Variants in BLM observed in about 807,000 individuals in gnomAD.
The protein encoded by BLM is recQ-like DNA helicase BLM.
Under a neutral mutation model 135.3 loss-of-function variants are expected in BLM, and 95 were observed. The observed-to-expected ratio is 0.70, with a 90% CI of 0.59 to 0.83. BLM has a LOEUF of 0.83. BLM is among the 40% of genes least tolerant of loss of function. The probability of loss-of-function intolerance (pLI) is 0.00; values close to 1 mark genes in which losing one functional copy is unlikely to be tolerated. For missense variants in BLM, 1,518 were observed against 1,663.9 expected (o/e 0.91, Z 1.53); for synonymous variants, 520 against 589.2 (o/e 0.88, Z 1.70).
intron 17 of BLM, among the ~76,000 whole-genome samples, chr15:90,801,487 G>A (rs1897165197): frequency 6.6e-6 from 1 of 152,152 alleles, no homozygotes; most frequent in Admixed American, 6.5e-5. Flanking sequence ...TTGAAAGTTA[G>A]AAACATAATT....
chr15:90,765,462 T>G, intron 9 of BLM, 48 bp downstream of exon 9: 1 of 1,390,290 alleles, frequency 7.2e-7, no homozygotes, highest in Non-Finnish European at 1.0e-6. Context: ...AACAATTAAA[T>G]TTCAGTCCTC....
intron 12 of BLM, among the ~76,000 whole-genome samples, chr15:90,771,869 G>A (rs887576510): frequency 6.6e-6 from 1 of 152,136 alleles, no homozygotes; most frequent in African/African-American, 2.4e-5. Flanking sequence ...AGTAAACAGT[G>A]TACATATTTA....
chr15:90,735,524 C>T (rs561301717), intron 1 of BLM, among the ~76,000 whole-genome samples: 2 of 151,858 alleles, frequency 1.3e-5, no homozygotes, highest in South Asian at 4.2e-4. Flanking sequence ...TAATTAGTCT[C>T]CTAAACACAT....
At chr15:90,789,822 T>C (rs1315260181) in intron 14 of BLM, among the ~76,000 whole-genome samples, 1 of 152,058 alleles carries the variant, frequency 6.6e-6, no homozygotes, top group Non-Finnish European at 1.5e-5. Context: ...ATTTGTGAAG[T>C]GTAATTTTGC....
chr15:90,811,814 C>T (rs1370656216), intron 21 of BLM, among the ~76,000 whole-genome samples: 1 of 152,124 alleles, frequency 6.6e-6, no homozygotes, highest in East Asian at 1.9e-4. Flanking sequence ...TATACCATCA[C>T]TCCTGGCTAA....
chr15:90,739,612 G>A lies in BLM; in HGVS notation c.-4-7777G>A, dbSNP rs573659453. ...GAGTGAAATAAGCCAGTCCCGAAAAGGCAAATACTGTATGATTCCACTTAC... is the reference window on the plus strand; with the variant it reads ...GAGTGAAATAAGCCAGTCCCGAAAAAGCAAATACTGTATGATTCCACTTAC... On this transcript the variant is annotated intron_variant, in intron 1 of 21. Transcript: ENST00000355112. 9.6e-4 allele frequency among the ~76,000 whole-genome samples: 146 copies of A among 152,262 alleles called. 3 individuals carry two copies. The South Asian group carries it at 0.016, about 17-fold the overall frequency.
rs1895032403 is a variant in BLM at position 90,730,284 on chromosome 15, C to T, written c.-5+12844C>T. ...TTTATTTATTGTTCATGATCTACTGCTCTGGCTTGGACTTCCAGTATATAT... is the reference window on the plus strand; with the variant it reads ...TTTATTTATTGTTCATGATCTACTGTTCTGGCTTGGACTTCCAGTATATAT... On this transcript the variant is annotated intron_variant, in intron 1 of 21. Transcript: ENST00000355112. Among the ~76,000 whole-genome samples the T allele has an allele frequency of 1.3e-5, 2 of 152,142 alleles. 1 individual carries two copies. The highest frequency in any genetic ancestry group is 1.3e-4 in the Admixed American group (2 of 15,260).
chr15:90,772,261 C>T lies in BLM; in HGVS notation c.2555+2675C>T, dbSNP rs1039084673. ...TTGAAGCCACAGCCCCTGTGCTGCTCTCCTCCCGCCAGTCTGTAATAATAT... is the reference window on the plus strand; with the variant it reads ...TTGAAGCCACAGCCCCTGTGCTGCTTTCCTCCCGCCAGTCTGTAATAATAT... On this transcript the variant is annotated intron_variant, in intron 12 of 21. Coordinates refer to ENST00000355112, the MANE Select transcript of BLM (RefSeq NM_000057.4). 2.6e-5 allele frequency among the ~76,000 whole-genome samples: 4 copies of T among 152,146 alleles called. 1 individual carries two copies. The highest frequency in any genetic ancestry group is 2.0e-4 in the Admixed American group (3 of 15,270).
intron 9 of BLM, among the ~76,000 whole-genome samples, chr15:90,766,663 A>G (rs1448177095): frequency 6.6e-6 from 1 of 152,150 alleles, no homozygotes; most frequent in Non-Finnish European, 1.5e-5. Flanking sequence ...CCTGACCCCA[A>G]GTGATCCACC....
Position 90,760,317 on chromosome 15 carries a change from A to ATATT in BLM, c.1220+40_1220+43dup, listed in dbSNP as rs766310324. The ATATT allele has an allele frequency of 3.7e-6, 6 of 1,612,570 alleles. No individual in the cohort carries two copies. In the African/African-American group the frequency reaches 8.0e-5, roughly 22 times the overall value. ...TCCCCCTTCTGGAATATATCTGATT[A>ATATT]TATTTCTACCACTCTAAGTGAAAAA... On this transcript the variant is annotated intron_variant, in intron 6 of 21. Coordinates refer to ENST00000355112, the MANE Select transcript of BLM (RefSeq NM_000057.4).
chr15:90,735,092 A>G (rs1895174670), intron 1 of BLM, among the ~76,000 whole-genome samples: 1 of 151,656 alleles, frequency 6.6e-6, no homozygotes, highest in African/African-American at 2.4e-5. Context: ...CAACAAGAAA[A>G]AGAGAAAATA....
intron 12 of BLM, among the ~76,000 whole-genome samples, chr15:90,771,268 C>T (rs1319437879): frequency 6.6e-6 from 1 of 152,180 alleles, no homozygotes; most frequent in Admixed American, 6.5e-5. Context: ...AGGTGGATCG[C>T]CTAAGGTCAG....
chr15:90,725,883 A>G (rs1228853112), intron 1 of BLM, among the ~76,000 whole-genome samples: 1 of 152,014 alleles, frequency 6.6e-6, no homozygotes, highest in South Asian at 2.1e-4. Context: ...ATTTATATAT[A>G]GTTATCTACA....
rs559584421 is a variant in BLM at position 90,763,182 on chromosome 15, G to T, written c.2074+25G>T. 6.7e-5 allele frequency: 108 copies of T among 1,609,594 alleles called. No individual in the cohort carries two copies. In the South Asian group the frequency reaches 1.1e-3, roughly 16 times the overall value. On this transcript the variant is annotated intron_variant, in intron 8 of 21. Transcript: ENST00000355112. ...GGTATGTATTTTTAGAAGTGAATTG[G>T]CAGGAATCCATTGGCAGATGTTAAA...
At chr15:90,805,304 T>C (rs1296825261) in intron 19 of BLM, among the ~76,000 whole-genome samples, 1 of 152,134 alleles carries the variant, frequency 6.6e-6, no homozygotes, top group Non-Finnish European at 1.5e-5. Flanking sequence ...TCTGTGCCTA[T>C]ATGAAAAATA....
chr15:90,815,710 C>T lies in BLM; in HGVS notation c.*431C>T, dbSNP rs1254362630. ...GGATTAGTATCCATCATACCAAATACCCGTGAACCAGTCAGAAACATCCCA... is the reference window on the plus strand; with the variant it reads ...GGATTAGTATCCATCATACCAAATATCCGTGAACCAGTCAGAAACATCCCA... On this transcript the variant is annotated 3_prime_UTR_variant, in exon 22 of 22. Transcript: ENST00000355112. This position sits in a 1 kb window ranked among gnomAD's most constrained non-coding sequence, Gnocchi z 4.6. 5.4e-5 allele frequency: 11 copies of T among 202,446 alleles called. No homozygotes were observed. In the East Asian group the frequency reaches 1.5e-3, roughly 28 times the overall value. 12.5% of individuals were successfully genotyped at this position (202,446 alleles called of 1,614,324 possible).
chr15:90,770,834 A>G (rs957928605), intron 12 of BLM, among the ~76,000 whole-genome samples: 2 of 152,256 alleles, frequency 1.3e-5, no homozygotes, highest in African/African-American at 4.8e-5. Flanking sequence ...AAGGTTCCTT[A>G]TGAAGGATAT....
chr15:90,720,983 G>A (rs1894750129), intron 1 of BLM, among the ~76,000 whole-genome samples: 3 of 152,052 alleles, frequency 2.0e-5, no homozygotes, highest in Non-Finnish European at 4.4e-5. Flanking sequence ...GCTTGAGCCT[G>A]GGAGTTCAAG....
intron 16 of BLM, among the ~76,000 whole-genome samples, chr15:90,797,386 A>G: frequency 7.8e-6 from 1 of 127,932 alleles, no homozygotes; most frequent in Non-Finnish European, 1.6e-5. Context: ...ATCGCACTCC[A>G]GCCTGGGCGA....
Sources: allele counts gnomAD v4.1 joint callset (sites outside exome capture counted in the v4.1 genomes callset), GRCh38; gene constraint gnomAD v4.1.1; non-coding constraint Gnocchi (gnomAD v3.1); transcripts MANE v1.5; gene names NCBI Gene and HGNC (gene_info 2026-07-23, HGNC 2026-07-21).